Variants in ZNF571 observed in about 807,000 individuals in gnomAD.
ZNF571 encodes the protein zinc finger protein 571.
ZNF571 carries 4 observed loss-of-function variants against 7.7 expected under a neutral mutation model. That is an observed-to-expected ratio of 0.52 (90% CI 0.25 to 1.18). The LOEUF is 1.18. ZNF571 is among the 50% of genes most tolerant of loss of function. The probability of loss-of-function intolerance (pLI) is 0.14; values close to 1 mark genes in which losing one functional copy is unlikely to be tolerated. For missense variants in ZNF571, 704 were observed against 726.9 expected, an observed-to-expected ratio of 0.97 and a Z score of 0.36; for synonymous variants, 251 against 232.4, an observed-to-expected ratio of 1.08 and a Z score of -0.73.
intron 3 of ZNF571, among the ~76,000 whole-genome samples, chr19:37,579,799 T>C (rs947794497): frequency 6.6e-6 from 1 of 152,200 alleles, no homozygotes; most frequent in Admixed American, 6.5e-5. Flanking sequence ...AGCATCACCA[T>C]ACTACTGACA....
intron 1 of ZNF571, chr19:37,594,150 G>C (rs1371356561): frequency 1.3e-5 from 2 of 152,210 alleles, no homozygotes; most frequent in Admixed American, 1.3e-4. Flanking sequence ...CTTTAACAGT[G>C]GTCTTCTTCC....
rs769568501 is a variant in ZNF571, at chr19:37,565,364, C to A, written c.1064G>T (p.Arg355Ile). ...LCASQLNEHQ[R>I]IHTGEKPYEC... The stretch of plus-strand genomic sequence containing the variant: ...ATAGGGTTTCTCTCCTGTATGAATT[C>A]TCTGATGTTCATTCAGTTGGGAGGC... Residue 355 changes from arginine to isoleucine, a missense_variant, in exon 4 of 4, where the codon AGA (arginine) becomes ATA (isoleucine). Transcript: ENST00000451802. 2.5e-6 allele frequency: 4 copies of A among 1,613,804 alleles called. No homozygotes were observed. The East Asian group carries it at 8.9e-5, about 36-fold the overall frequency.
At chr19:37,572,663 T>C (rs2043103784) in intron 3 of ZNF571, among the ~76,000 whole-genome samples, 2 of 152,218 alleles carry the variant, frequency 1.3e-5, no homozygotes, top group East Asian at 1.9e-4. Flanking sequence ...TGCTAACTCA[T>C]GCCTCCATAT....
At position 37,570,397 on chromosome 19, in the gene ZNF571, T is replaced by C. The variant is rs375420243; in HGVS notation, c.137-4106A>G. Among the ~76,000 whole-genome samples, 5 of 152,308 alleles carry C rather than the reference T, an allele frequency of 3.3e-5. No individual in the cohort carries two copies. The East Asian group carries it at 7.7e-4, about 24-fold the overall frequency. ...CAGAAACAATGTTTTCCTTCATGTC[T>C]TTCCCTCCACCTCGCTTCACCTAAC... On this transcript the variant is annotated intron_variant, in intron 3 of 3. Transcript: ENST00000451802.
At chr19:37,575,879 G>T (rs2043225174) in intron 3 of ZNF571, 1 of 152,148 alleles carries the variant, frequency 6.6e-6, no homozygotes, top group South Asian at 2.1e-4. Flanking sequence ...CATGTTCGGT[G>T]GACATAGTAA....
At chr19:37,593,840 C>A (rs993587707) in intron 1 of ZNF571, among the ~76,000 whole-genome samples, 1 of 152,048 alleles carries the variant, frequency 6.6e-6, no homozygotes, top group African/African-American at 2.4e-5. Flanking sequence ...TTATGGGGTG[C>A]CTAAGGACCA....
At chr19:37,578,159 C>T (rs1020989447) in intron 3 of ZNF571, among the ~76,000 whole-genome samples, 1 of 152,208 alleles carries the variant, frequency 6.6e-6, no homozygotes, top group Admixed American at 6.5e-5. Context: ...TCTCGCCCCA[C>T]TCCCCACGGC....
At chr19:37,580,725 T>A (rs1228403394) in intron 3 of ZNF571, among the ~76,000 whole-genome samples, 1 of 152,160 alleles carries the variant, frequency 6.6e-6, no homozygotes, top group Non-Finnish European at 1.5e-5. Context: ...CTTTCCCCTC[T>A]CACCATGTGA....
chr19:37,573,814 C>T (rs1167247624), intron 3 of ZNF571, among the ~76,000 whole-genome samples: 2 of 146,156 alleles, frequency 1.4e-5, no homozygotes, highest in Non-Finnish European at 3.0e-5. Flanking sequence ...GTCTGCGCAA[C>T]AGAACGAGAT....
At position 37,565,611 on chromosome 19, in the gene ZNF571, G is replaced by A. The variant is rs116384871; in HGVS notation, c.817C>T (p.His273Tyr). Residue 273 changes from histidine to tyrosine, a missense_variant, in exon 4 of 4, where the codon CAT (histidine) becomes TAT (tyrosine). Physicochemically the swap from His to Tyr is moderately conservative, Grantham distance 83 (BLOSUM62 2). Transcript: ENST00000451802. ...CATTCATAGGGTTTTTCACCACTAT[G>A]AATTCTCTGATGAAGAGTATATTGT... ...CSQYTLHQRI[H>Y]SGEKPYECKD... is the part of the protein sequence containing the mutation. The A allele has an allele frequency of 5.6e-6, 9 of 1,613,310 alleles. No individual in the cohort carries two copies. The African/African-American group carries it at 9.3e-5, about 17-fold the overall frequency.
intron 2 of ZNF571, 173 bp from the exon 3 acceptor site, chr19:37,584,270 A>G: frequency 1.3e-6 from 1 of 751,478 alleles, no homozygotes. Context: ...CACAGATAAA[A>G]CTTCCTCTGT....
At chr19:37,571,931 T>C (rs1267524283) in intron 3 of ZNF571, among the ~76,000 whole-genome samples, 5 of 152,250 alleles carry the variant, frequency 3.3e-5, no homozygotes, top group African/African-American at 1.2e-4. Context: ...TACTATCAAC[T>C]ATTAACCAGA....
intron 3 of ZNF571, among the ~76,000 whole-genome samples, chr19:37,578,230 T>G (rs1464048177): frequency 6.6e-6 from 1 of 152,026 alleles, no homozygotes; most frequent in Non-Finnish European, 1.5e-5. Flanking sequence ...ATAGCGCTGG[T>G]CTAGAAGACC....
intron 1 of ZNF571, 74 bp from the exon 2 acceptor site, chr19:37,586,819 T>C (rs1246946547): frequency 2.4e-6 from 2 of 842,178 alleles, no homozygotes; most frequent in African/African-American, 3.5e-5. Flanking sequence ...GAACTACCTT[T>C]ACTTCTCCTC....
At chr19:37,566,625 A>C (rs1489206704) in intron 3 of ZNF571, 3 of 200,852 alleles carry the variant, frequency 1.5e-5, no homozygotes, top group Non-Finnish European at 3.0e-5. Flanking sequence ...CTATCAACAA[A>C]TCCTATCAGC....
chr19:37,589,884 A>AAAAAAAAAAC (rs2043814752), intron 1 of ZNF571, among the ~76,000 whole-genome samples: 1 of 149,920 alleles, frequency 6.7e-6, no homozygotes, highest in African/African-American at 2.4e-5. Context: ...AAAAAAAAAA[A>AAAAAAAAAAC]AAAGCACACT....
rs1398280497 is a variant in ZNF571, at chr19:37,586,724, G to A, written c.-48C>T. 1 of 1,611,550 alleles carries A rather than the reference G, an allele frequency of 6.2e-7. No individual in the cohort carries two copies. ...TTCTGGGTTCTTCTCCTGGAGGTGT[G>A]CAAAGTCCAGAGAAGCCAGTGCTGG... On this transcript the variant is annotated 5_prime_UTR_variant, in exon 2 of 4. Coordinates refer to ENST00000451802, the MANE Select transcript of ZNF571 (RefSeq NM_016536.5).
rs752184948 is a variant in ZNF571 at position 37,565,182 on chromosome 19, C to T, written c.1246G>A (p.Glu416Lys). ...CATTCCTTACATTTGTAGGGCTTCTCTCCGGTATGAATTCTTTGATGTTGA... is the reference window on the plus strand; with the variant it reads ...CATTCCTTACATTTGTAGGGCTTCTTTCCGGTATGAATTCTTTGATGTTGA... ...LIQHQRIHTG[E>K]KPYKCKECGK... The change falls in exon 4 of 4, where the codon GAG becomes AAG. Residue 416 changes from glutamate to lysine, a missense_variant. By Grantham distance (56) the Glu-to-Lys change is moderately conservative. Coordinates refer to ENST00000451802, the MANE Select transcript of ZNF571 (RefSeq NM_016536.5). 2.3e-5 allele frequency: 37 copies of T among 1,613,372 alleles called. 2 individuals carry two copies. In the South Asian group the frequency reaches 3.8e-4, roughly 17 times the overall value.
At chr19:37,585,168 T>C (rs1045053522) in intron 2 of ZNF571, 2 of 152,180 alleles carry the variant, frequency 1.3e-5, no homozygotes, top group Non-Finnish European at 2.9e-5. Flanking sequence ...CAAGGTGAAC[T>C]TGACTATGAT....
Sources: allele counts gnomAD v4.1 joint callset (sites outside exome capture counted in the v4.1 genomes callset), GRCh38; gene constraint gnomAD v4.1.1; transcripts MANE v1.5; gene names NCBI Gene and HGNC (gene_info 2026-07-23, HGNC 2026-07-21).